WWOX: variants seen among roughly 807,000 people sequenced by gnomAD.
WWOX encodes WW domain containing oxidoreductase.
Under a neutral mutation model 46.2 loss-of-function variants are expected in WWOX, and 69 were observed. The observed-to-expected ratio is 1.49, with a 90% confidence interval of 1.23 to 1.82. The LOEUF is 1.82. Ranked by LOEUF, WWOX falls within the 40% of genes most tolerant of loss-of-function variation. The pLI is 0.00. For missense variants in WWOX, 919 were observed against 542.6 expected, an observed-to-expected ratio of 1.69 and a Z score of -6.89; for synonymous variants, 359 against 202.6, an observed-to-expected ratio of 1.77 and a Z score of -6.56.
rs1313274363 is a variant in WWOX at position 78,346,205 on chromosome 16, G to A, written c.517-40655G>A. ...ACCCATACTGCTGCCTGTATCAGTG[G>A]CTTACTCATTGTCATTGGTGAGTAG... On this transcript the variant is annotated intron_variant, in intron 5 of 8. Coordinates refer to ENST00000566780, the MANE Select transcript of WWOX (RefSeq NM_016373.4). 3.3e-5 allele frequency among the ~76,000 whole-genome samples: 4 copies of A among 121,302 alleles called. No individual in the cohort carries two copies. The East Asian group carries it at 7.7e-4, about 23-fold the overall frequency. The allele number at this position is 121,302 out of a possible 152,430, so 79.6% of individuals were successfully genotyped here.
At chr16:78,490,954 TTGGCTCACCAGCCCC>T (rs1001231078) in intron 8 of WWOX, among the ~76,000 whole-genome samples, 1 of 152,162 alleles carries the variant, frequency 6.6e-6, no homozygotes, top group Admixed American at 6.6e-5. Flanking sequence ...GCAACTCGGC[TTGGCTCACCAGCCCC>T]TGAGCTGCCC....
At chr16:78,850,271 T>C (rs2052409293) in intron 8 of WWOX, among the ~76,000 whole-genome samples, 1 of 152,164 alleles carries the variant, frequency 6.6e-6, no homozygotes, top group African/African-American at 2.4e-5. Context: ...CAGTATTTGG[T>C]TAACCCATTC....
chr16:79,011,604 C>T (rs1312025070), intron 8 of WWOX, among the ~76,000 whole-genome samples: 1 of 151,688 alleles, frequency 6.6e-6, no homozygotes, highest in African/African-American at 2.4e-5. Context: ...TCGATCCTCC[C>T]ACTTCAGCCT....
At chr16:78,795,886 T>C (rs1254024103) in intron 8 of WWOX, among the ~76,000 whole-genome samples, 1 of 152,162 alleles carries the variant, frequency 6.6e-6, no homozygotes, top group Non-Finnish European at 1.5e-5. Context: ...CTTTTATTAC[T>C]GTCAAGTGGA....
At chr16:78,163,164 G>A (rs1293522943) in intron 4 of WWOX, among the ~76,000 whole-genome samples, 1 of 152,116 alleles carries the variant, frequency 6.6e-6, no homozygotes, top group African/African-American at 2.4e-5. Context: ...ATGTCTGAGA[G>A]TTTATATGAG....
At chr16:78,754,935 A>C (rs1346402920) in intron 8 of WWOX, among the ~76,000 whole-genome samples, 1 of 151,924 alleles carries the variant, frequency 6.6e-6, no homozygotes, top group Non-Finnish European at 1.5e-5. Flanking sequence ...CAGGGAAGAG[A>C]ATGCTGTCCA....
chr16:78,793,497 C>T (rs560106740), intron 8 of WWOX, among the ~76,000 whole-genome samples: 120 of 152,274 alleles, frequency 7.9e-4, no homozygotes, highest in African/African-American at 2.7e-3. Flanking sequence ...CCAGATATGG[C>T]TTCATTTTTT....
At chr16:78,962,605 G>A (rs1208157094) in intron 8 of WWOX, among the ~76,000 whole-genome samples, 1 of 152,132 alleles carries the variant, frequency 6.6e-6, no homozygotes, top group African/African-American at 2.4e-5. Context: ...ACAGGAAGAG[G>A]AGGGCATTCA....
Position 78,671,541 on chromosome 16 carries a change from C to T in WWOX, c.1056+238789C>T, listed in dbSNP as rs900659527. The stretch of plus-strand genomic sequence containing the variant: ...GTTTAGCTTATTTAGTACAACAACC[C>T]TGCCCCTTCTAGTTTTTATGATAAC... On this transcript the variant is annotated intron_variant, in intron 8 of 8. Transcript: ENST00000566780. Among the ~76,000 whole-genome samples the T allele has an allele frequency of 2.0e-4, 30 of 152,278 alleles. 1 individual carries two copies. Among genetic ancestry groups the T allele is most frequent in the Admixed American group, 6.5e-5 (1 of 15,306 alleles).
intron 8 of WWOX, among the ~76,000 whole-genome samples, chr16:79,136,074 A>T (rs1035627618): frequency 6.6e-6 from 1 of 152,160 alleles, no homozygotes; most frequent in African/African-American, 2.4e-5. Flanking sequence ...CTGAATGCAC[A>T]GTGAATTTGG....
At chr16:78,364,286 C>G (rs994694588) in intron 5 of WWOX, among the ~76,000 whole-genome samples, 1 of 152,178 alleles carries the variant, frequency 6.6e-6, no homozygotes. Context: ...TCCTGATAGC[C>G]ACTAAAGGGG....
At chr16:78,750,003 C>G (rs964624457) in intron 8 of WWOX, among the ~76,000 whole-genome samples, 1 of 152,140 alleles carries the variant, frequency 6.6e-6, no homozygotes, top group Non-Finnish European at 1.5e-5. Flanking sequence ...CCAACAATCC[C>G]TTCTTGTCGT....
chr16:78,817,241 C>T (rs1387618050), intron 8 of WWOX, among the ~76,000 whole-genome samples: 1 of 120,570 alleles, frequency 8.3e-6, no homozygotes, highest in East Asian at 2.7e-4. Flanking sequence ...AATAGGGAAG[C>T]TTAGCCAACT....
At chr16:78,505,334 TGCCTTCTTTAACTA>T (rs1167115845) in intron 8 of WWOX, among the ~76,000 whole-genome samples, 1 of 152,156 alleles carries the variant, frequency 6.6e-6, no homozygotes, top group Non-Finnish European at 1.5e-5. Context: ...GGCTTGACAA[TGCCTTCTTTAACTA>T]GCCTAGTTTC....
intron 5 of WWOX, among the ~76,000 whole-genome samples, chr16:78,333,043 CTTTTT>C (rs11289222): frequency 3.0e-4 from 17 of 57,124 alleles, no homozygotes; most frequent in Middle Eastern, 0.017. Flanking sequence ...GAGCATTATA[CTTTTT>C]TTTTTTTTTT....
intron 5 of WWOX, chr16:78,355,971 T>A (rs1344990299): frequency 5.3e-6 from 1 of 189,840 alleles, no homozygotes; most frequent in Admixed American, 6.2e-5. Flanking sequence ...ACTCCTGAAA[T>A]GAGTTGATTT....
chr16:78,319,123 G>A lies in WWOX; in HGVS notation c.517-67737G>A, dbSNP rs150892594. Among the ~76,000 whole-genome samples, 71 of 152,184 alleles carry A rather than the reference G, an allele frequency of 4.7e-4. No individual in the cohort carries two copies. The East Asian group carries it at 0.011, about 25-fold the overall frequency. On this transcript the variant is annotated intron_variant, in intron 5 of 8. Coordinates refer to ENST00000566780, the MANE Select transcript of WWOX (RefSeq NM_016373.4). ...GTCGGATGAGTCAGGCAGTGAGATG[G>A]CAGCATGAGAAGGACACCGCCACAC...
intron 8 of WWOX, among the ~76,000 whole-genome samples, chr16:78,836,428 G>A (rs1017487036): frequency 3.3e-5 from 5 of 152,200 alleles, no homozygotes; most frequent in South Asian, 2.1e-4. Context: ...ACTTATTCCC[G>A]CAAGGACATA....
intron 8 of WWOX, among the ~76,000 whole-genome samples, chr16:78,539,188 T>C (rs774475922): frequency 6.6e-6 from 1 of 152,252 alleles, no homozygotes. Flanking sequence ...GCATGACACA[T>C]AGTAATTGCT....
Sources: allele counts gnomAD v4.1 joint callset (sites outside exome capture counted in the v4.1 genomes callset), GRCh38; gene constraint gnomAD v4.1.1; transcripts MANE v1.5; gene names NCBI Gene and HGNC (gene_info 2026-07-23, HGNC 2026-07-21).